GALNT13: variants seen among roughly 807,000 people sequenced by gnomAD.
The protein encoded by GALNT13 is UDP-GalNAc:polypeptide N-acetylgalactosaminyltransferase 13.
In GALNT13, 28 loss-of-function variants were observed where a neutral mutation model predicts 64.2. The ratio of observed to expected loss-of-function variants is 0.44; its 90% confidence interval spans 0.32 to 0.60. GALNT13 has a LOEUF of 0.60. GALNT13 is among the 20% of genes least tolerant of loss of function. The pLI is 0.05. For missense variants in GALNT13, 577 were observed against 669.8 expected, an observed-to-expected ratio of 0.86 and a Z score of 1.53; for synonymous variants, 214 against 224.6, an observed-to-expected ratio of 0.95 and a Z score of 0.42.
At chr2:154,214,321 A>G (rs1687930109) in intron 4 of GALNT13, among the ~76,000 whole-genome samples, 1 of 152,020 alleles carries the variant, frequency 6.6e-6, no homozygotes, top group Non-Finnish European at 1.5e-5. Flanking sequence ...TTCCACCCTC[A>G]TTTATTACAT....
the GALNT13 span, among the ~76,000 whole-genome samples, chr2:153,183,476 A>G: frequency 3.5e-4 from 53 of 152,278 alleles, no homozygotes; most frequent in African/African-American, 1.2e-3. Flanking sequence ...TAGTTTAATT[A>G]GATCTCATTT....
At chr2:153,920,732 A>C (rs144624283) in intron 2 of GALNT13, among the ~76,000 whole-genome samples, 1 of 152,208 alleles carries the variant, frequency 6.6e-6, no homozygotes, top group Non-Finnish European at 1.5e-5. Flanking sequence ...CAAGCTATGC[A>C]TCGAACAAAG....
the GALNT13 span, among the ~76,000 whole-genome samples, chr2:153,842,253 A>C: frequency 6.6e-6 from 1 of 152,182 alleles, no homozygotes; most frequent in African/African-American, 2.4e-5. Flanking sequence ...CTTTCTTTTC[A>C]AAATTATTTG....
At chr2:153,708,287 A>G in the GALNT13 span, among the ~76,000 whole-genome samples, 1 of 152,288 alleles carries the variant, frequency 6.6e-6, no homozygotes, top group East Asian at 1.9e-4. Flanking sequence ...CATAGTCTTC[A>G]TAGGGACCTC....
chr2:154,020,588 T>A lies in GALNT13; in HGVS notation c.142+75949T>A, dbSNP rs1320798849. On this transcript the variant is annotated intron_variant, in intron 3 of 12. Transcript: ENST00000392825. The stretch of plus-strand genomic sequence containing the variant: ...TAAATTTGTTTGAGTTCATTGTAGA[T>A]TCTGGATATCAGCCCTTTGTCAGAT... Among the ~76,000 whole-genome samples, 85 of 152,246 alleles carry A rather than the reference T, an allele frequency of 5.6e-4. 1 individual carries two copies. In the South Asian group the frequency reaches 0.017, roughly 30 times the overall value.
chr2:153,126,472 C>T, the GALNT13 span, among the ~76,000 whole-genome samples: 3 of 151,684 alleles, frequency 2.0e-5, no homozygotes, highest in African/African-American at 7.3e-5. Context: ...CAAAACAACC[C>T]TAAAAATAGG....
At chr2:154,059,225 GT>G (rs138866212) in intron 3 of GALNT13, among the ~76,000 whole-genome samples, 8,415 of 152,228 alleles carry the variant, frequency 0.055, 350 homozygotes, top group South Asian at 0.13. Context: ...TAGAATTCAG[GT>G]GGCTTTGGTT....
chr2:154,350,189 A>G (rs1696314230), intron 9 of GALNT13, among the ~76,000 whole-genome samples: 2 of 152,250 alleles, frequency 1.3e-5, no homozygotes, highest in Non-Finnish European at 1.5e-5. Context: ...GAAGGGTGCA[A>G]AGTATTGTTC....
intron 3 of GALNT13, among the ~76,000 whole-genome samples, chr2:154,101,493 G>T (rs776793564): frequency 6.6e-6 from 1 of 151,870 alleles, no homozygotes; most frequent in African/African-American, 2.4e-5. Context: ...GGTATCAACT[G>T]CACTGTTATT....
At chr2:153,418,969 G>T in the GALNT13 span, among the ~76,000 whole-genome samples, 21 of 152,110 alleles carry the variant, frequency 1.4e-4, no homozygotes, top group East Asian at 7.7e-4. Context: ...TCCCGTTTTT[G>T]AATGAGAGTC....
chr2:154,306,312 C>A (rs1362446020), intron 9 of GALNT13, among the ~76,000 whole-genome samples: 1 of 152,002 alleles, frequency 6.6e-6, no homozygotes, highest in Non-Finnish European at 1.5e-5. Flanking sequence ...ACCCCCAACC[C>A]CCAACAGGCC....
At chr2:153,314,722 G>GATAAACGAAATAAAAAT in the GALNT13 span, among the ~76,000 whole-genome samples, 1 of 151,632 alleles carries the variant, frequency 6.6e-6, no homozygotes, top group Non-Finnish European at 1.5e-5. Flanking sequence ...AATACTTTGA[G>GATAAACGAAATAAAAAT]ATAAACAAAA....
At chr2:153,553,557 C>T in the GALNT13 span, among the ~76,000 whole-genome samples, 1 of 152,182 alleles carries the variant, frequency 6.6e-6, no homozygotes, top group Admixed American at 6.5e-5. Context: ...ATGATTGAAC[C>T]ATTGGATCCA....
At chr2:153,191,187 C>T in the GALNT13 span, among the ~76,000 whole-genome samples, 2 of 152,084 alleles carry the variant, frequency 1.3e-5, no homozygotes, top group African/African-American at 4.8e-5. Context: ...TTTTCCCATT[C>T]AGTATGATGT....
the GALNT13 span, among the ~76,000 whole-genome samples, chr2:153,512,710 G>A: frequency 2.6e-5 from 4 of 152,292 alleles, no homozygotes; most frequent in Admixed American, 6.5e-5. Flanking sequence ...GTTAATAAAT[G>A]TTAGCCATAA....
At chr2:153,356,959 A>G in the GALNT13 span, among the ~76,000 whole-genome samples, 1 of 151,530 alleles carries the variant, frequency 6.6e-6, no homozygotes, top group South Asian at 2.1e-4. Flanking sequence ...CACCACGCCC[A>G]GCTAACTTTT....
At chr2:154,422,394 A>T (rs376858555) in intron 11 of GALNT13, among the ~76,000 whole-genome samples, 1 of 152,300 alleles carries the variant, frequency 6.6e-6, no homozygotes, top group Admixed American at 6.5e-5. Context: ...TTATTCTGCT[A>T]TCAAAGGATT....
chr2:153,486,483 T>C, the GALNT13 span, among the ~76,000 whole-genome samples: 5 of 152,172 alleles, frequency 3.3e-5, no homozygotes, highest in Non-Finnish European at 7.3e-5. Context: ...GTGGACTTCT[T>C]TCTGTGGGAG....
At chr2:153,594,259 T>A in the GALNT13 span, among the ~76,000 whole-genome samples, 1 of 152,154 alleles carries the variant, frequency 6.6e-6, no homozygotes, top group Non-Finnish European at 1.5e-5. Flanking sequence ...AGCACTCTTC[T>A]AAAACTGTTC....
Sources: allele counts gnomAD v4.1 joint callset (sites outside exome capture counted in the v4.1 genomes callset), GRCh38; gene constraint gnomAD v4.1.1; transcripts MANE v1.5; gene names NCBI Gene and HGNC (gene_info 2026-07-23, HGNC 2026-07-21).